Variants in LINGO2 observed in about 807,000 individuals in gnomAD.
LINGO2 encodes leucine-rich repeat and immunoglobulin-like domain-containing nogo receptor-interacting protein 2.
A neutral mutation model predicts 30.6 loss-of-function variants in LINGO2; 14 were observed. The observed-to-expected ratio is 0.46, with a 90% CI of 0.30 to 0.72. LINGO2 has a LOEUF of 0.72. Ranked by LOEUF, LINGO2 falls within the 30% of genes least tolerant of loss-of-function variation. LINGO2 has a pLI of 0.07. For missense variants in LINGO2, 729 were observed against 751.7 expected (o/e 0.97, Z 0.35); for synonymous variants, 317 against 288.5 (o/e 1.10, Z -1.00).
the LINGO2 span, among the ~76,000 whole-genome samples, chr9:28,953,938 G>A: frequency 3.3e-5 from 5 of 151,918 alleles, no homozygotes; most frequent in African/African-American, 1.2e-4. Flanking sequence ...GAAAATATTG[G>A]TTCACTAAAT....
chr9:29,188,840 C>G, the LINGO2 span, among the ~76,000 whole-genome samples: 5 of 136,342 alleles, frequency 3.7e-5, no homozygotes, highest in African/African-American at 1.1e-4. Flanking sequence ...CTGACCCCCC[C>G]GCCACCTTCC....
chr9:28,486,159 C>A (rs909266814), intron 1 of LINGO2, among the ~76,000 whole-genome samples: 1 of 152,052 alleles, frequency 6.6e-6, no homozygotes, highest in African/African-American at 2.4e-5. Context: ...ATTTGAAATC[C>A]AGCACGTCCA....
At chr9:28,506,797 A>C (rs1398308017) in intron 1 of LINGO2, among the ~76,000 whole-genome samples, 1 of 151,804 alleles carries the variant, frequency 6.6e-6, no homozygotes, top group Non-Finnish European at 1.5e-5. Flanking sequence ...TGCTATAGAA[A>C]GTACTGAGTG....
chr9:28,093,732 T>C (rs1354158116), intron 4 of LINGO2, among the ~76,000 whole-genome samples: 1 of 152,056 alleles, frequency 6.6e-6, no homozygotes, highest in African/African-American at 2.4e-5. Context: ...AGAGTGTCTT[T>C]CTCACACTCT....
chr9:28,003,324 C>T (rs1822058088), intron 5 of LINGO2, among the ~76,000 whole-genome samples: 1 of 142,010 alleles, frequency 7.0e-6, no homozygotes, highest in South Asian at 2.3e-4. Context: ...TTTTGTTAAC[C>T]ATATAGATAT....
chr9:28,234,663 A>G (rs927118666), intron 4 of LINGO2, among the ~76,000 whole-genome samples: 7 of 151,488 alleles, frequency 4.6e-5, no homozygotes, highest in Admixed American at 3.3e-4. Flanking sequence ...TCAGACTCCA[A>G]GTTCTTCAGC....
At chr9:28,009,557 G>C (rs1822450733) in intron 5 of LINGO2, among the ~76,000 whole-genome samples, 2 of 152,112 alleles carry the variant, frequency 1.3e-5, no homozygotes, top group Middle Eastern at 6.8e-3. Flanking sequence ...CAAAAGATCT[G>C]AATAGATATG....
chr9:28,089,379 T>C (rs1439670728), intron 4 of LINGO2, among the ~76,000 whole-genome samples: 2 of 152,178 alleles, frequency 1.3e-5, no homozygotes, highest in Non-Finnish European at 2.9e-5. Context: ...CAGACCACAG[T>C]GCAATCAAAC....
At chr9:28,023,049 T>C (rs1259503773) in intron 4 of LINGO2, among the ~76,000 whole-genome samples, 1 of 152,116 alleles carries the variant, frequency 6.6e-6, no homozygotes, top group Non-Finnish European at 1.5e-5. Context: ...CTGATTATAT[T>C]AATCATGTGT....
chr9:28,051,456 G>A (rs1265405365), intron 4 of LINGO2, among the ~76,000 whole-genome samples: 1 of 152,070 alleles, frequency 6.6e-6, no homozygotes, highest in Non-Finnish European at 1.5e-5. Context: ...TATGCACCAA[G>A]TGTATGCACA....
the LINGO2 span, among the ~76,000 whole-genome samples, chr9:28,868,217 C>G: frequency 6.6e-6 from 1 of 152,058 alleles, no homozygotes; most frequent in Non-Finnish European, 1.5e-5. Flanking sequence ...GCTGAATATG[C>G]CTTTCTGTGA....
Position 28,555,421 on chromosome 9 carries a change from C to A in LINGO2, c.-364-79396G>T, listed in dbSNP as rs1335112846. Among the ~76,000 whole-genome samples, 33 of 151,420 alleles carry A rather than the reference C, an allele frequency of 2.2e-4. 1 individual carries two copies. In the South Asian group the frequency reaches 6.9e-3, roughly 32 times the overall value. On this transcript the variant is annotated intron_variant, in intron 1 of 5. Transcript: ENST00000379992. ...GAAGAAATGGATAAATTCCTTGACACATACACTCTCCCAAGACTAAACCAG... is the reference window on the plus strand; with the variant it reads ...GAAGAAATGGATAAATTCCTTGACAAATACACTCTCCCAAGACTAAACCAG...
intron 4 of LINGO2, among the ~76,000 whole-genome samples, chr9:28,043,798 T>C (rs1587754877): frequency 6.6e-6 from 1 of 152,200 alleles, no homozygotes; most frequent in Non-Finnish European, 1.5e-5. Flanking sequence ...TGATTTTGCA[T>C]ATATATCTCC....
the LINGO2 span, among the ~76,000 whole-genome samples, chr9:28,927,588 G>A: frequency 1.3e-5 from 2 of 152,090 alleles, no homozygotes; most frequent in South Asian, 2.1e-4. Context: ...TTACCCCTCA[G>A]GACTGCTGTA....
the LINGO2 span, among the ~76,000 whole-genome samples, chr9:29,203,524 C>T: frequency 6.6e-6 from 1 of 152,316 alleles, no homozygotes; most frequent in Non-Finnish European, 1.5e-5. Flanking sequence ...CACACTGCTA[C>T]CCCAACTCTG....
the LINGO2 span, among the ~76,000 whole-genome samples, chr9:29,043,794 C>A: frequency 6.6e-6 from 1 of 151,988 alleles, no homozygotes; most frequent in African/African-American, 2.4e-5. Flanking sequence ...AGAAACAAAT[C>A]ATCTGAAGTA....
At chr9:28,789,683 G>T in the LINGO2 span, among the ~76,000 whole-genome samples, 1 of 152,174 alleles carries the variant, frequency 6.6e-6, no homozygotes, top group Admixed American at 6.5e-5. Flanking sequence ...CATAGAGGGA[G>T]AAATGGAACA....
the LINGO2 span, among the ~76,000 whole-genome samples, chr9:29,112,111 T>C: frequency 6.6e-6 from 1 of 151,760 alleles, no homozygotes; most frequent in South Asian, 2.1e-4. Flanking sequence ...ATTTATTATC[T>C]TTTAAAATAT....
In LINGO2 at chr9:28,538,198, C is replaced by T. The variant is rs555991234; in HGVS notation, c.-364-62173G>A. Reference sequence around the variant, plus strand: ...TACTTCAAGGGAATATAATTTAACTCGGAAGAAAATAGTGGAGTATAAAAT... The same window carrying T: ...TACTTCAAGGGAATATAATTTAACTTGGAAGAAAATAGTGGAGTATAAAAT... On this transcript the variant is annotated intron_variant, in intron 1 of 5. Transcript: ENST00000379992. Among the ~76,000 whole-genome samples, 374 of 150,674 alleles carry T rather than the reference C, an allele frequency of 2.5e-3. 2 individuals carry two copies. The highest frequency in any genetic ancestry group is 8.1e-3 in the African/African-American group (332 of 41,080).
Sources: gnomAD v4.1 joint callset for allele counts (sites outside exome capture counted in the v4.1 genomes callset) on GRCh38, gnomAD v4.1.1 for gene constraint, MANE v1.5 for transcripts, NCBI Gene and HGNC (gene_info 2026-07-23, HGNC 2026-07-21) for gene names.